Variants in TP53I11 observed in about 807,000 individuals in gnomAD.
TP53I11 encodes the protein tumor protein p53 inducible protein 11, also known as tumor protein p53-inducible protein 11.
Under a neutral mutation model 23.3 loss-of-function variants are expected in TP53I11, and 9 were observed. The ratio of observed to expected loss-of-function variants is 0.39; its 90% CI spans 0.23 to 0.67. TP53I11 has a LOEUF of 0.67. TP53I11 is among the 30% of genes least tolerant of loss of function. The pLI, the probability that TP53I11 is intolerant of heterozygous loss-of-function variation, is 0.48. For missense variants in TP53I11, 170 were observed against 255.2 expected (o/e 0.67, Z 2.27); for synonymous variants, 100 against 106.1 (o/e 0.94, Z 0.35).
At chr11:44,937,510 C>A (rs2279361) in intron 3 of TP53I11, 45 bp downstream of exon 3, 116,206 of 1,605,840 alleles carry the variant, frequency 0.072, 4,664 homozygotes, top group Admixed American at 0.13. Flanking sequence ...TCTGCCCCAC[C>A]GCCGCAGGCC....
intron 6 of TP53I11, among the ~76,000 whole-genome samples, chr11:44,935,352 G>T (rs1289042103): frequency 6.6e-6 from 1 of 152,186 alleles, no homozygotes; most frequent in Non-Finnish European, 1.5e-5. Flanking sequence ...TGTGGATTTG[G>T]GAAGCTACAG....
chr11:44,936,670 CCG>C lies in TP53I11; in HGVS notation c.334+131_334+132del, dbSNP rs1196536686. 7.3e-7 allele frequency: 1 copy of C among 1,369,480 alleles called. No homozygotes were observed. Among genetic ancestry groups the C allele is most frequent in the East Asian group, 2.9e-5 (1 of 34,066 alleles). 84.8% of individuals were successfully genotyped at this position (1,369,480 alleles called of 1,614,324 possible). A position where few individuals can be genotyped will look rare whatever the true frequency, so the allele number is the denominator to read the frequency against. On this transcript the variant is annotated intron_variant, in intron 5 of 6. Transcript: ENST00000525680. This position sits in a 1 kb window ranked among gnomAD's most constrained non-coding sequence, Gnocchi z 4.4. The stretch of plus-strand genomic sequence containing the variant: ...CCCCAGCAGAGAGCTTCATCAGAGG[CCG>C]GGGTGTGGGCGCAGCATCTGGCCGA...
chr11:44,949,612 G>A (rs35677445), intron 1 of TP53I11, among the ~76,000 whole-genome samples: 39,066 of 151,980 alleles, frequency 0.26, 6,056 homozygotes, highest in Non-Finnish European at 0.34. Context: ...TAGAGCGAGG[G>A]GACCCAAGGC....
chr11:44,937,369 G>C lies in TP53I11; in HGVS notation c.189-17C>G. The C allele has an allele frequency of 2.0e-6, 3 of 1,473,044 alleles. No homozygotes were observed. Among genetic ancestry groups the C allele is most frequent in the Non-Finnish European group, 2.7e-6 (3 of 1,110,068 alleles). The allele number at this position is 1,473,044 out of a possible 1,614,324, so 91.2% of individuals were successfully genotyped here. ...TGCCAGACCCTGGGAGGCGTGGAAAGAAGATCACAGCCCTGCCCCAGGGGA... is the reference window on the plus strand; with the variant it reads ...TGCCAGACCCTGGGAGGCGTGGAAACAAGATCACAGCCCTGCCCCAGGGGA... On this transcript the variant is annotated splice_polypyrimidine_tract_variant and intron_variant, in intron 3 of 6. Transcript: ENST00000525680.
At chr11:44,937,113 G>A (rs753839721) in intron 4 of TP53I11, 191 bp downstream of exon 4, 2 of 796,502 alleles carry the variant, frequency 2.5e-6, no homozygotes, top group Admixed American at 2.5e-5. Flanking sequence ...ACAAACCATG[G>A]GATCTAGTGT....
chr11:44,950,940 C>G (rs1161609832), upstream of TP53I11: 1 of 151,832 alleles, frequency 6.6e-6, no homozygotes, highest in Admixed American at 6.6e-5. Context: ...GGCGCGCCGT[C>G]CCCTCCCACG....
chr11:44,949,165 C>G (rs1446335942), intron 1 of TP53I11, among the ~76,000 whole-genome samples: 16 of 152,214 alleles, frequency 1.1e-4, no homozygotes, highest in Non-Finnish European at 2.9e-5. Context: ...CCTAACAACC[C>G]AACAAGAAAA....
intron 1 of TP53I11, among the ~76,000 whole-genome samples, chr11:44,950,376 G>A (rs1324911527): frequency 1.1e-4 from 16 of 152,210 alleles, no homozygotes; most frequent in Admixed American, 1.0e-3. Flanking sequence ...GGCGACCGCG[G>A]AGCCGGGGGA....
At chr11:44,938,142 T>C (rs975120901) in intron 2 of TP53I11, 65 bp downstream of exon 2, 70 of 1,530,938 alleles carry the variant, frequency 4.6e-5, no homozygotes, top group Admixed American at 1.3e-4. Context: ...GCTAACCTTC[T>C]CCCCTAATGG....
In TP53I11 at chr11:44,934,641, G is replaced by A. The variant is rs1860877719; in HGVS notation, c.*243C>T. 2 of 533,310 alleles carry A rather than the reference G, an allele frequency of 3.8e-6. No individual in the cohort carries two copies. Among genetic ancestry groups the A allele is most frequent in the African/African-American group, 3.8e-5 (2 of 52,568 alleles). 33.0% of individuals were successfully genotyped at this position (533,310 alleles called of 1,614,324 possible). A position where few individuals can be genotyped will look rare whatever the true frequency, so the allele number is the denominator to read the frequency against. The stretch of plus-strand genomic sequence containing the variant: ...CCAAGGAAAGGAGGTATCACTGTGA[G>A]GGTGAAGAACAGGGCAGCAGAGGCC... On this transcript the variant is annotated 3_prime_UTR_variant, in exon 7 of 7. Transcript: ENST00000525680.
rs767273347 is a variant in TP53I11 at position 44,936,826 on chromosome 11, C to T, written c.311G>A (p.Arg104His). The T allele has an allele frequency of 5.0e-6, 8 of 1,606,982 alleles. No individual in the cohort carries two copies. The highest frequency in any genetic ancestry group is 1.3e-5 in the African/African-American group (1 of 74,628). The change falls in exon 5 of 7, where the codon CGC (arginine) becomes CAC (histidine). Residue 104 changes from arginine to histidine, a missense_variant. Transcript: ENST00000525680. The surrounding 1 kb of genome is among the most constrained non-coding windows in gnomAD (Gnocchi z 4.4). ...GAQVTSKTPIRLYGGALLSIS... is the reference protein window; with the variant it reads ...GAQVTSKTPIHLYGGALLSIS... ...ACTGAGGAGGGCACCGCCGTAGAGG[C>T]GGATGGGGGTCTTGCTGGTCACCTG...
chr11:44,947,339 T>A (rs1862486309), intron 1 of TP53I11: 4 of 352,600 alleles, frequency 1.1e-5, no homozygotes, highest in Non-Finnish European at 2.2e-5. Context: ...CAGCCTGACT[T>A]CCAGATCCTA....
intron 2 of TP53I11, 89 bp downstream of exon 2, chr11:44,938,118 C>T: frequency 6.9e-7 from 1 of 1,457,748 alleles, no homozygotes; most frequent in Non-Finnish European, 9.0e-7. Context: ...ACTCCTGCGG[C>T]TACCTGGGCC....
chr11:44,948,922 T>C (rs1862645758), intron 1 of TP53I11, among the ~76,000 whole-genome samples: 1 of 152,024 alleles, frequency 6.6e-6, no homozygotes, highest in South Asian at 2.1e-4. Flanking sequence ...GTGCAGAAAA[T>C]AGGTCGCAGT....
In TP53I11 at chr11:44,938,134, T is replaced by C. The variant is rs1406305734; in HGVS notation, c.129+73A>G. The C allele has an allele frequency of 6.6e-6, 10 of 1,512,782 alleles. No homozygotes were observed. The South Asian group carries it at 1.3e-4, about 20-fold the overall frequency. The allele number at this position is 1,512,782 out of a possible 1,614,324, so 93.7% of individuals were successfully genotyped here. On this transcript the variant is annotated intron_variant, in intron 2 of 6. Coordinates refer to ENST00000525680, the MANE Select transcript of TP53I11 (RefSeq NM_006034.5). ...CTCCTGCGGCTACCTGGGCCTGGGC[T>C]AACCTTCTCCCCTAATGGTGGGTCA...
chr11:44,937,521 T>C (rs1861286438), intron 3 of TP53I11, 34 bp downstream of exon 3: 6 of 1,611,706 alleles, frequency 3.7e-6, no homozygotes, highest in Admixed American at 3.3e-5. Context: ...GCCGCAGGCC[T>C]TCCCCTCCCC....
intron 1 of TP53I11, among the ~76,000 whole-genome samples, chr11:44,945,454 G>C (rs372526576): frequency 6.6e-6 from 1 of 152,224 alleles, no homozygotes; most frequent in South Asian, 2.1e-4. Flanking sequence ...GACATCCTAA[G>C]AGAAGCTGAT....
intron 1 of TP53I11, among the ~76,000 whole-genome samples, chr11:44,939,574 G>A (rs954106334): frequency 2.0e-5 from 3 of 152,208 alleles, no homozygotes; most frequent in Non-Finnish European, 2.9e-5. Flanking sequence ...GGCAGAGTGC[G>A]GGGATGTCCC....
intron 1 of TP53I11, chr11:44,947,330 A>G (rs1354320952): frequency 2.0e-5 from 7 of 355,368 alleles, no homozygotes; most frequent in African/African-American, 4.3e-5. Context: ...TCATCAGGAC[A>G]GCCTGACTTC....
Sources: gnomAD v4.1 joint callset for allele counts (sites outside exome capture counted in the v4.1 genomes callset) on GRCh38, gnomAD v4.1.1 for gene constraint, Gnocchi (gnomAD v3.1) non-coding constraint, MANE v1.5 for transcripts, NCBI Gene and HGNC (gene_info 2026-07-23, HGNC 2026-07-21) for gene names.